The following PLCH1 variants were observed in gnomAD, a reference collection of about 807,000 sequenced individuals.
The protein encoded by PLCH1 is 1-phosphatidylinositol 4,5-bisphosphate phosphodiesterase eta-1.
A neutral mutation model predicts 126.7 loss-of-function variants in PLCH1; 60 were observed. The observed-to-expected ratio is 0.47, with a 90% CI of 0.38 to 0.59. PLCH1 has a LOEUF of 0.59. Among genes scored for constraint, PLCH1 ranks in the 20% least tolerant of loss-of-function variants. PLCH1 has a pLI of 0.00. For missense variants in PLCH1, 1,723 were observed against 2,040.0 expected (o/e 0.84, Z 2.99); for synonymous variants, 719 against 734.9 (o/e 0.98, Z 0.35).
At chr3:155,684,018 T>C (rs1269114762) in intron 2 of PLCH1, among the ~76,000 whole-genome samples, 1 of 152,210 alleles carries the variant, frequency 6.6e-6, no homozygotes, top group Non-Finnish European at 1.5e-5. Flanking sequence ...GATATCTTAA[T>C]ACAGGATATT....
intron 2 of PLCH1, among the ~76,000 whole-genome samples, chr3:155,635,289 T>C (rs956544795): frequency 1.3e-5 from 2 of 152,146 alleles, no homozygotes; most frequent in African/African-American, 4.8e-5. Context: ...TTTATACTCA[T>C]AGGTACTTCT....
At chr3:155,615,952 G>T (rs1443085122) in intron 2 of PLCH1, among the ~76,000 whole-genome samples, 2 of 152,062 alleles carry the variant, frequency 1.3e-5, no homozygotes, top group African/African-American at 4.8e-5. Flanking sequence ...AATTAGACAG[G>T]TAAGATACTA....
intron 10 of PLCH1, among the ~76,000 whole-genome samples, chr3:155,541,338 C>A (rs1259692997): frequency 6.6e-6 from 1 of 152,178 alleles, no homozygotes; most frequent in Non-Finnish European, 1.5e-5. Context: ...CACTAAAAAA[C>A]TTATCCATGT....
At chr3:155,655,995 G>T (rs1038322653) in intron 2 of PLCH1, among the ~76,000 whole-genome samples, 2 of 152,064 alleles carry the variant, frequency 1.3e-5, no homozygotes, top group African/African-American at 4.8e-5. Context: ...AAAAGAGAAA[G>T]AACCATTGAA....
intron 1 of PLCH1, among the ~76,000 whole-genome samples, chr3:155,710,764 C>G (rs1385555130): frequency 6.6e-6 from 1 of 150,448 alleles, no homozygotes; most frequent in Non-Finnish European, 1.5e-5. Context: ...ACCCGGGAGG[C>G]AGAGGTTGCA....
chr3:155,631,854 G>C (rs1292103592), intron 2 of PLCH1, among the ~76,000 whole-genome samples: 1 of 150,118 alleles, frequency 6.7e-6, no homozygotes, highest in Non-Finnish European at 1.5e-5. Context: ...GGCACTAGTG[G>C]CCATTTAAAT....
At chr3:155,612,793 A>G (rs1388219661) in intron 2 of PLCH1, among the ~76,000 whole-genome samples, 1 of 151,580 alleles carries the variant, frequency 6.6e-6, no homozygotes, top group East Asian at 2.0e-4. Flanking sequence ...CTGTAATCCC[A>G]GCTACTTGGA....
At chr3:155,557,970 A>G (rs568213192) in intron 8 of PLCH1, among the ~76,000 whole-genome samples, 2 of 152,216 alleles carry the variant, frequency 1.3e-5, no homozygotes, top group Non-Finnish European at 2.9e-5. Context: ...TAAGCAACTC[A>G]GGCTGAAAAT....
chr3:155,700,701 A>G (rs1418414734), intron 2 of PLCH1, among the ~76,000 whole-genome samples: 5 of 152,336 alleles, frequency 3.3e-5, no homozygotes, highest in Middle Eastern at 3.4e-3. Context: ...TTGCATGTGC[A>G]TATTAATTGC....
At chr3:155,741,651 T>G in intron 1 of PLCH1, among the ~76,000 whole-genome samples, 1 of 139,212 alleles carries the variant, frequency 7.2e-6, no homozygotes, top group South Asian at 2.3e-4. Context: ...TCTATTGTAT[T>G]CCTTTTATCC....
At chr3:155,739,604 G>A (rs1749466235) in intron 1 of PLCH1, among the ~76,000 whole-genome samples, 1 of 152,158 alleles carries the variant, frequency 6.6e-6, no homozygotes, top group South Asian at 2.1e-4. Flanking sequence ...TCTATACTTT[G>A]CATAAATGGT....
chr3:155,702,487 T>C (rs2109077893), intron 2 of PLCH1, among the ~76,000 whole-genome samples: 1 of 152,304 alleles, frequency 6.6e-6, no homozygotes. Context: ...GGTTGAATAA[T>C]AGCTATAGCA....
At chr3:155,453,701 T>C (rs1407409726) in intron 21 of PLCH1, among the ~76,000 whole-genome samples, 1 of 151,628 alleles carries the variant, frequency 6.6e-6, no homozygotes, top group East Asian at 2.0e-4. Flanking sequence ...ATTTTGTTTC[T>C]ATATAAATTT....
Position 155,490,801 on chromosome 3 carries a change from C to G in PLCH1, c.2375G>C (p.Arg792Pro). The G allele has an allele frequency of 6.3e-7, 1 of 1,581,042 alleles. No homozygotes were observed. The highest frequency in any genetic ancestry group is 8.7e-7 in the Non-Finnish European group (1 of 1,150,602). The part of the protein sequence containing the change: ...LPVDCCKDQT[R>P]VVDDNGFNPV... Reference sequence around the variant, plus strand: ...CATCTTACCATTGTCATCTACCACACGGGTTTGATCTTTACAACAATCTAC... The same window carrying G: ...CATCTTACCATTGTCATCTACCACAGGGGTTTGATCTTTACAACAATCTAC... Residue 792 changes from arginine to proline, a missense_variant, in exon 19 of 23, where the codon CGT (arginine) becomes CCT (proline). Physicochemically the swap from Arg to Pro is moderately radical, Grantham distance 103. Coordinates refer to ENST00000460012, the MANE Select transcript of PLCH1 (RefSeq NM_014996.4).
At chr3:155,633,569 T>C (rs1195109006) in intron 2 of PLCH1, among the ~76,000 whole-genome samples, 1 of 152,212 alleles carries the variant, frequency 6.6e-6, no homozygotes, top group Non-Finnish European at 1.5e-5. Flanking sequence ...TGCCAGTGTT[T>C]GGCAAGAGGT....
chr3:155,701,247 G>T (rs407217), intron 2 of PLCH1, among the ~76,000 whole-genome samples: 60,637 of 151,962 alleles, frequency 0.4, 12,850 homozygotes, highest in East Asian at 0.53. Context: ...TTCTGGGATT[G>T]TGGGTAATAT....
intron 11 of PLCH1, among the ~76,000 whole-genome samples, chr3:155,518,683 C>T (rs1485330122): frequency 2.0e-5 from 3 of 152,120 alleles, no homozygotes; most frequent in Non-Finnish European, 4.4e-5. Context: ...TAACCCCCAA[C>T]GCATTTGATC....
At chr3:155,646,413 A>T (rs1296422352) in intron 2 of PLCH1, among the ~76,000 whole-genome samples, 1 of 152,166 alleles carries the variant, frequency 6.6e-6, no homozygotes, top group Non-Finnish European at 1.5e-5. Context: ...CGGAACAGCG[A>T]CCAGCTAGTG....
chr3:155,666,165 A>T (rs926356430), intron 2 of PLCH1, among the ~76,000 whole-genome samples: 2 of 152,242 alleles, frequency 1.3e-5, no homozygotes, highest in Non-Finnish European at 1.5e-5. Flanking sequence ...GCAATTTGAC[A>T]GGACTAATTT....
Sources: gnomAD v4.1 joint callset for allele counts (sites outside exome capture counted in the v4.1 genomes callset) on GRCh38, gnomAD v4.1.1 for gene constraint, MANE v1.5 for transcripts, NCBI Gene and HGNC (gene_info 2026-07-23, HGNC 2026-07-21) for gene names.